The following ATP1A2 variants were observed in gnomAD, a reference collection of about 807,000 sequenced individuals.
ATP1A2 encodes the protein ATPase Na+/K+ transporting subunit alpha 2, also known as sodium/potassium-transporting ATPase subunit alpha-2.
In ATP1A2, 56 loss-of-function variants were observed where a neutral mutation model predicts 113.1. The observed-to-expected ratio is 0.49, with a 90% CI of 0.40 to 0.62. The LOEUF (loss-of-function observed/expected upper bound fraction) is 0.62, where lower values mean the gene tolerates loss of function less well. Among genes scored for constraint, ATP1A2 ranks in the 20% least tolerant of loss-of-function variants. ATP1A2 has a pLI of 0.00. For synonymous variants in ATP1A2, 490 were observed against 526.8 expected, an observed-to-expected ratio of 0.93 and a Z score of 0.96; for missense variants, 712 against 1,357.8, an observed-to-expected ratio of 0.52 and a Z score of 7.47.
rs2070704 is a variant in ATP1A2, at chr1:160,142,348, A to G, written c.*1026A>G. The G allele has an allele frequency of 0.22, 33,027 of 151,994 alleles. 3,678 individuals are homozygous for G. Among genetic ancestry groups the G allele is most frequent in the South Asian group, 0.28 (1,355 of 4,802 alleles). The allele number at this position is 151,994 out of a possible 1,614,324, so 9.4% of individuals were successfully genotyped here. A position where few individuals can be genotyped will look rare whatever the true frequency, so the allele number is the denominator to read the frequency against. On this transcript the variant is annotated 3_prime_UTR_variant, in exon 23 of 23. Transcript: ENST00000361216. ...CCCGATGAACCTGCATCATTCCCCG[A>G]CACTGCCAAGCCAACCCTGGAAAAG...
Position 160,121,223 on chromosome 1 carries a change from G to T in ATP1A2, c.149G>T (p.Gly50Val), listed in dbSNP as rs1570983300. ...DDHKLSLDEL[G>V]RKYQVDLSKG... is the part of the protein sequence containing the mutation. ...CACAAGCTGTCCTTGGATGAGCTGG[G>T]CCGCAAATACCAAGTGGACCTGTCC... The change falls in exon 3 of 23, where the codon GGC becomes GTC. Residue 50 changes from glycine to valine, a missense_variant. By Grantham distance (109) the Gly-to-Val change is moderately radical (BLOSUM62 -3). Coordinates refer to ENST00000361216, the MANE Select transcript of ATP1A2 (RefSeq NM_000702.4). 5 of 1,614,208 alleles carry T rather than the reference G, an allele frequency of 3.1e-6. No individual in the cohort carries two copies. Among genetic ancestry groups the T allele is most frequent in the Non-Finnish European group, 4.2e-6 (5 of 1,180,038 alleles).
chr1:160,136,401 C>A, intron 18 of ATP1A2, 31 bp downstream of exon 18: 3 of 1,613,518 alleles, frequency 1.9e-6, no homozygotes, highest in Non-Finnish European at 8.5e-7. Context: ...CGGGAGGGAA[C>A]CCCAACAGGG....
chr1:160,133,397 A>G (rs1172858885), intron 13 of ATP1A2, among the ~76,000 whole-genome samples: 1 of 152,110 alleles, frequency 6.6e-6, no homozygotes, highest in Non-Finnish European at 1.5e-5. Context: ...CAGTATCCAT[A>G]GGACTTGCCC....
intron 20 of ATP1A2, among the ~76,000 whole-genome samples, chr1:160,138,494 A>G (rs1652025990): frequency 1.3e-5 from 2 of 152,248 alleles, no homozygotes; most frequent in Non-Finnish European, 2.9e-5. Context: ...TTAGTGAGTG[A>G]AAATTTGGAA....
intron 4 of ATP1A2, 81 bp from the exon 5 acceptor site, chr1:160,123,862 C>T: frequency 7.9e-7 from 1 of 1,263,552 alleles, no homozygotes. Flanking sequence ...TTGGATGGCA[C>T]TGCCTGCTCA....
rs1651959803 is a variant in ATP1A2, at chr1:160,136,640, A to T, written c.2634A>T (p.Ser878=). The T allele has an allele frequency of 6.2e-7, 1 of 1,614,226 alleles. No individual in the cohort carries two copies. Among genetic ancestry groups the T allele is most frequent in the Non-Finnish European group, 8.5e-7 (1 of 1,180,036 alleles). Residue 878 remains serine (S), a synonymous_variant, in exon 19 of 23, where the codon TCA becomes TCT. Transcript: ENST00000361216. ...TGGCAGAGAACGGTTTCCTGCCATCACGGCTACTGGGAATCCGCCTCGACT... is the reference window on the plus strand; with the variant it reads ...TGGCAGAGAACGGTTTCCTGCCATCTCGGCTACTGGGAATCCGCCTCGACT... ...VILAENGFLP[S]RLLGIRLDWD...
chr1:160,121,369 C>A, intron 3 of ATP1A2, 118 bp downstream of exon 3: 1 of 1,262,834 alleles, frequency 7.9e-7, no homozygotes, highest in Non-Finnish European at 1.2e-6. Context: ...AAACTGAGGC[C>A]CAGAAACAAG....
In ATP1A2 at chr1:160,143,096, C is replaced by T. The variant is rs1652203841; in HGVS notation, c.*1774C>T. ...AAAGACATCTGAGGAAAATGGAAGA[C>T]CTAAGGCAGACAGGAAGGAAGCACA... is the stretch of plus-strand genomic sequence containing the variant. On this transcript the variant is annotated 3_prime_UTR_variant, in exon 23 of 23. Transcript: ENST00000361216. 1 of 152,252 alleles carries T rather than the reference C, an allele frequency of 6.6e-6. No individual in the cohort carries two copies. Among genetic ancestry groups the T allele is most frequent in the Admixed American group, 6.5e-5 (1 of 15,276 alleles). 9.4% of individuals were successfully genotyped at this position (152,252 alleles called of 1,614,324 possible). A position where few individuals can be genotyped will look rare whatever the true frequency, so the allele number is the denominator to read the frequency against.
Position 160,130,114 on chromosome 1 carries a change from G to A in ATP1A2, c.1474G>A (p.Glu492Lys), listed in dbSNP as rs142348542. Residue 492 changes from glutamate (E) to lysine (K), a missense_variant, in exon 12 of 23, where the codon GAG becomes AAG. By Grantham distance (56) the Glu-to-Lys change is moderately conservative. Coordinates refer to ENST00000361216, the MANE Select transcript of ATP1A2 (RefSeq NM_000702.4). ...STNKYQLSIHEREDSPQSHVL... is the reference protein window; with the variant it reads ...STNKYQLSIHKREDSPQSHVL... ...GTTGTCTCTCCAGCTGTCTATCCACGAGCGAGAAGACAGCCCCCAGAGCCA... is the reference window on the plus strand; with the variant it reads ...GTTGTCTCTCCAGCTGTCTATCCACAAGCGAGAAGACAGCCCCCAGAGCCA... 1,110 of 1,614,204 alleles carry A rather than the reference G, an allele frequency of 6.9e-4. 2 individuals are homozygous for A. The highest frequency in any genetic ancestry group is 8.7e-4 in the Non-Finnish European group (1,027 of 1,180,042).
At chr1:160,117,457 C>A (rs1347791863) in intron 1 of ATP1A2, among the ~76,000 whole-genome samples, 1 of 152,092 alleles carries the variant, frequency 6.6e-6, no homozygotes, top group Non-Finnish European at 1.5e-5. Flanking sequence ...TGTCTTTTTC[C>A]CCTAGCACCC....
chr1:160,134,663 C>A (rs760681779), intron 14 of ATP1A2, 43 bp downstream of exon 14: 9 of 1,613,904 alleles, frequency 5.6e-6, no homozygotes, highest in Non-Finnish European at 7.6e-6. Context: ...ATCAACACGT[C>A]CTCTTGCACA....
intron 20 of ATP1A2, among the ~76,000 whole-genome samples, chr1:160,139,155 T>C (rs1652053259): frequency 6.6e-6 from 1 of 152,204 alleles, no homozygotes; most frequent in Admixed American, 6.5e-5. Context: ...CCACTTATTA[T>C]GCAGTGATCC....
chr1:160,129,002 C>T lies in ATP1A2; in HGVS notation c.1239C>T (p.Ser413=). ...DQSGATFDKR[S]PTWTALSRIA... is the part of the protein sequence containing the mutation. ...CAGGGGCCACTTTTGACAAACGATCCCCTACGTGGACGGCCCTGTCTCGAA... is the reference window on the plus strand; with the variant it reads ...CAGGGGCCACTTTTGACAAACGATCTCCTACGTGGACGGCCCTGTCTCGAA... The change falls in exon 10 of 23, where the codon TCC becomes TCT. Residue 413 remains serine (S), a synonymous_variant. Transcript: ENST00000361216. The T allele has an allele frequency of 6.2e-7, 1 of 1,607,882 alleles. No individual in the cohort carries two copies. Among genetic ancestry groups the T allele is most frequent in the Non-Finnish European group, 8.5e-7 (1 of 1,176,698 alleles).
chr1:160,123,197 C>G lies in ATP1A2; in HGVS notation c.178-16C>G, dbSNP rs1376946468. 12 of 1,613,860 alleles carry G rather than the reference C, an allele frequency of 7.4e-6. No homozygotes were observed. In the South Asian group the frequency reaches 8.8e-5, roughly 12 times the overall value. ...GCTCCGGATGCGTGCCCCTACGCCT[C>G]TCCTTGCTCCCTCAGGGCCTCACCA... On this transcript the variant is annotated splice_polypyrimidine_tract_variant and intron_variant, in intron 3 of 22. Transcript: ENST00000361216.
chr1:160,136,788 A>G (rs1651967171), intron 19 of ATP1A2, 73 bp downstream of exon 19: 19 of 1,614,076 alleles, frequency 1.2e-5, no homozygotes, highest in Non-Finnish European at 1.6e-5. Context: ...AGGAGTGGCC[A>G]GTGGTGGCCA....
At chr1:160,120,276 A>G (rs865785483) in intron 1 of ATP1A2, among the ~76,000 whole-genome samples, 1 of 152,002 alleles carries the variant, frequency 6.6e-6, no homozygotes, top group Non-Finnish European at 1.5e-5. Flanking sequence ...CACTTCCTGG[A>G]CATGCCCTGA....
In ATP1A2 at chr1:160,135,864, G is replaced by A. The variant is rs1342102956; in HGVS notation, c.2310G>A (p.Lys770=). 1 of 1,614,014 alleles carries A rather than the reference G, an allele frequency of 6.2e-7. No homozygotes were observed. Among genetic ancestry groups the A allele is most frequent in the African/African-American group, 1.3e-5 (1 of 74,894 alleles). Residue 770 remains lysine (K), a synonymous_variant, in exon 17 of 23, where the codon AAG becomes AAA. Coordinates refer to ENST00000361216, the MANE Select transcript of ATP1A2 (RefSeq NM_000702.4). The surrounding 1 kb of genome is among the most constrained non-coding windows in gnomAD (Gnocchi z 6.3). ...GCCGCCTGATCTTTGACAACTTGAA[G>A]AAATCCATCGCCTACACCCTGACCA... is the stretch of plus-strand genomic sequence containing the variant. ...EEGRLIFDNL[K]KSIAYTLTSN... is the part of the protein sequence containing the mutation.
At chr1:160,119,802 A>T (rs1418191325) in intron 1 of ATP1A2, among the ~76,000 whole-genome samples, 2 of 150,058 alleles carry the variant, frequency 1.3e-5, no homozygotes, top group African/African-American at 2.5e-5. Flanking sequence ...ACTTGAGCCC[A>T]GGCAATATAG....
chr1:160,133,329 T>G (rs939231302), intron 13 of ATP1A2, among the ~76,000 whole-genome samples: 1 of 152,038 alleles, frequency 6.6e-6, no homozygotes, highest in Non-Finnish European at 1.5e-5. Context: ...GGGTGGCAGT[T>G]TCAGTGAAGT....
Sources: gnomAD v4.1 joint callset for allele counts (sites outside exome capture counted in the v4.1 genomes callset) on GRCh38, gnomAD v4.1.1 for gene constraint, Gnocchi (gnomAD v3.1) non-coding constraint, MANE v1.5 for transcripts, NCBI Gene and HGNC (gene_info 2026-07-23, HGNC 2026-07-21) for gene names.